Variants in ST6GALNAC3 observed in about 807,000 individuals in gnomAD.
The protein encoded by ST6GALNAC3 is alpha-N-acetylgalactosaminide alpha-2,6-sialyltransferase 3.
Under a neutral mutation model 32.7 loss-of-function variants are expected in ST6GALNAC3, and 25 were observed. That is an observed-to-expected ratio of 0.76 (90% CI 0.56 to 1.07). The LOEUF (loss-of-function observed/expected upper bound fraction) is 1.07, where lower values mean the gene tolerates loss of function less well. Among genes scored for constraint, ST6GALNAC3 ranks in the 50% least tolerant of loss-of-function variants. ST6GALNAC3 has a pLI of 0.00. For missense variants in ST6GALNAC3, 355 were observed against 382.4 expected, an observed-to-expected ratio of 0.93 and a Z score of 0.60; for synonymous variants, 129 against 133.1, an observed-to-expected ratio of 0.97 and a Z score of 0.21.
At chr1:76,546,426 TC>T (rs1664303018) in intron 3 of ST6GALNAC3, among the ~76,000 whole-genome samples, 1 of 152,166 alleles carries the variant, frequency 6.6e-6, no homozygotes, top group South Asian at 2.1e-4. Context: ...ATTTAAGCAT[TC>T]TTATTCATGA....
chr1:76,210,384 T>C (rs1242588849), intron 1 of ST6GALNAC3, among the ~76,000 whole-genome samples: 3 of 152,222 alleles, frequency 2.0e-5, no homozygotes, highest in Non-Finnish European at 4.4e-5. Context: ...TATAGTACAT[T>C]TCTATTTAGC....
At chr1:76,310,665 G>T (rs961232959) in intron 1 of ST6GALNAC3, among the ~76,000 whole-genome samples, 1 of 152,142 alleles carries the variant, frequency 6.6e-6, no homozygotes, top group African/African-American at 2.4e-5. Context: ...AGAGCAAAAA[G>T]AACTAATTCC....
At chr1:76,587,456 T>G (rs569750156) in intron 3 of ST6GALNAC3, among the ~76,000 whole-genome samples, 1 of 152,298 alleles carries the variant, frequency 6.6e-6, no homozygotes, top group Admixed American at 6.5e-5. Context: ...CTCTAGATGC[T>G]GAGAGTCCGG....
intron 1 of ST6GALNAC3, among the ~76,000 whole-genome samples, chr1:76,182,278 C>T (rs1653230903): frequency 6.6e-6 from 1 of 152,204 alleles, no homozygotes; most frequent in African/African-American, 2.4e-5. Context: ...GCAGTGTACT[C>T]TTTGCACTGG....
intron 3 of ST6GALNAC3, among the ~76,000 whole-genome samples, chr1:76,508,958 AC>A (rs1661658313): frequency 6.6e-6 from 1 of 152,198 alleles, no homozygotes; most frequent in Non-Finnish European, 1.5e-5. Flanking sequence ...CTTAGTAAGG[AC>A]AATATGCATT....
chr1:76,318,748 G>T (rs757939288), intron 2 of ST6GALNAC3, among the ~76,000 whole-genome samples: 5 of 152,138 alleles, frequency 3.3e-5, no homozygotes, highest in East Asian at 1.9e-4. Context: ...AAACAGAAAC[G>T]TGCTTCACAA....
At position 76,313,891 on chromosome 1, in the gene ST6GALNAC3, G is replaced by A; in HGVS notation, c.105G>A (p.Leu35=). Residue 35 remains leucine (L), a synonymous_variant, in exon 2 of 5, where the codon TTG becomes TTA. Coordinates refer to ENST00000328299, the MANE Select transcript of ST6GALNAC3 (RefSeq NM_152996.4). ...TTGTAAATGAAGTGAATTTCCCATT[G>A]CTACTAAACTGCTTTGGACAACCTG... The part of the protein sequence containing the change: ...VRLVNEVNFP[L]LLNCFGQPGT... 6.2e-7 allele frequency: 1 copy of A among 1,613,536 alleles called. No individual in the cohort carries two copies. The highest frequency in any genetic ancestry group is 1.1e-5 in the South Asian group (1 of 91,062).
At position 76,439,150 on chromosome 1, in the gene ST6GALNAC3, T is replaced by C. The variant is rs545498485; in HGVS notation, c.623+26733T>C. Among the ~76,000 whole-genome samples, 4 of 152,310 alleles carry C rather than the reference T, an allele frequency of 2.6e-5. No homozygotes were observed. The South Asian group carries it at 6.2e-4, about 24-fold the overall frequency. ...TTGAAAATGTCTGAAGATTTTTCCATGATAATGTGGAGACTCTCTACCTAA... is the reference window on the plus strand; with the variant it reads ...TTGAAAATGTCTGAAGATTTTTCCACGATAATGTGGAGACTCTCTACCTAA... On this transcript the variant is annotated intron_variant, in intron 3 of 4. Transcript: ENST00000328299.
At chr1:76,168,705 C>G (rs190186678) in intron 1 of ST6GALNAC3, among the ~76,000 whole-genome samples, 1 of 152,140 alleles carries the variant, frequency 6.6e-6, no homozygotes, top group South Asian at 2.1e-4. Context: ...GAATTGAACC[C>G]TTTATCATAT....
At chr1:76,400,039 A>G (rs1653285426) in intron 2 of ST6GALNAC3, among the ~76,000 whole-genome samples, 1 of 151,902 alleles carries the variant, frequency 6.6e-6, no homozygotes, top group Non-Finnish European at 1.5e-5. Flanking sequence ...TTTTTTCATG[A>G]CCTCAGTATA....
intron 1 of ST6GALNAC3, among the ~76,000 whole-genome samples, chr1:76,095,662 T>C (rs907405056): frequency 6.6e-6 from 1 of 152,214 alleles, no homozygotes; most frequent in African/African-American, 2.4e-5. Flanking sequence ...GCTTGGCACT[T>C]AGCAAGTGTT....
chr1:76,395,613 G>T (rs990444885), intron 2 of ST6GALNAC3, among the ~76,000 whole-genome samples: 3 of 150,140 alleles, frequency 2.0e-5, no homozygotes, highest in African/African-American at 4.9e-5. Flanking sequence ...ACACACACAC[G>T]CACACACAGA....
intron 3 of ST6GALNAC3, among the ~76,000 whole-genome samples, chr1:76,614,710 C>A (rs2100680722): frequency 2.0e-5 from 2 of 99,612 alleles, no homozygotes; most frequent in Non-Finnish European, 1.7e-5. Flanking sequence ...CAGAGCGAGA[C>A]TCCATCTCAA....
At chr1:76,085,157 T>C (rs1436821549) in intron 1 of ST6GALNAC3, among the ~76,000 whole-genome samples, 1 of 152,176 alleles carries the variant, frequency 6.6e-6, no homozygotes, top group African/African-American at 2.4e-5. Flanking sequence ...GAAATTCAAA[T>C]TTTTCACCCA....
intron 3 of ST6GALNAC3, among the ~76,000 whole-genome samples, chr1:76,490,819 G>A (rs1193248792): frequency 6.6e-6 from 1 of 151,676 alleles, no homozygotes; most frequent in Non-Finnish European, 1.5e-5. Context: ...TGCAGTCTGG[G>A]AATATGATGC....
chr1:76,406,296 T>TA (rs2101252455), intron 2 of ST6GALNAC3, among the ~76,000 whole-genome samples: 1 of 152,198 alleles, frequency 6.6e-6, no homozygotes, highest in East Asian at 1.9e-4. Context: ...GGGGAGGTAT[T>TA]ATTCCCTTTA....
At chr1:76,285,912 G>A (rs1044621340) in intron 1 of ST6GALNAC3, among the ~76,000 whole-genome samples, 3 of 151,420 alleles carry the variant, frequency 2.0e-5, no homozygotes, top group Non-Finnish European at 4.4e-5. Context: ...ACACCCCCGC[G>A]CCCCCTCCCC....
chr1:76,301,249 A>G (rs1660710813), intron 1 of ST6GALNAC3, among the ~76,000 whole-genome samples: 1 of 152,048 alleles, frequency 6.6e-6, no homozygotes, highest in South Asian at 2.1e-4. Flanking sequence ...GGAAGAGTGG[A>G]TCAGAGAGGC....
intron 3 of ST6GALNAC3, among the ~76,000 whole-genome samples, chr1:76,571,709 A>G (rs562940272): frequency 3.3e-5 from 5 of 152,212 alleles, no homozygotes; most frequent in East Asian, 3.9e-4. Context: ...TGCTTATCAT[A>G]TATAAAGAGT....
Sources: allele counts gnomAD v4.1 joint callset (sites outside exome capture counted in the v4.1 genomes callset), GRCh38; gene constraint gnomAD v4.1.1; transcripts MANE v1.5; gene names NCBI Gene and HGNC (gene_info 2026-07-23, HGNC 2026-07-21).